Variants in SEMA3D observed in about 807,000 individuals in gnomAD.
SEMA3D encodes semaphorin 3D.
A neutral mutation model predicts 100.1 loss-of-function variants in SEMA3D; 84 were observed. The ratio of observed to expected loss-of-function variants is 0.84; its 90% CI spans 0.70 to 1.01. The LOEUF (loss-of-function observed/expected upper bound fraction) is 1.01. SEMA3D is among the 50% of genes least tolerant of loss of function. The probability of loss-of-function intolerance (pLI) is 0.00; values close to 1 mark genes in which losing one functional copy is unlikely to be tolerated. For missense variants in SEMA3D, 875 were observed against 934.1 expected, an observed-to-expected ratio of 0.94 and a Z score of 0.82; for synonymous variants, 312 against 320.7, an observed-to-expected ratio of 0.97 and a Z score of 0.29.
chr7:85,088,029 T>C (rs530418385), intron 4 of SEMA3D, among the ~76,000 whole-genome samples: 2 of 152,318 alleles, frequency 1.3e-5, no homozygotes, highest in South Asian at 4.1e-4. Context: ...TCTGAATTTA[T>C]ATTGATTTTA....
At chr7:85,010,759 A>T (rs1210613611) in intron 17 of SEMA3D, among the ~76,000 whole-genome samples, 1 of 151,734 alleles carries the variant, frequency 6.6e-6, no homozygotes, top group Non-Finnish European at 1.5e-5. Flanking sequence ...TTTCAAGTGG[A>T]GCTCTTTAGT....
At chr7:85,234,198 C>A in the SEMA3D span, among the ~76,000 whole-genome samples, 1 of 152,030 alleles carries the variant, frequency 6.6e-6, no homozygotes, top group Non-Finnish European at 1.5e-5. Flanking sequence ...TCCCTGAGAC[C>A]CCCAGAAAGG....
In SEMA3D at chr7:85,121,930, A is replaced by C; in HGVS notation, c.-39T>G. 1 of 1,460,834 alleles carries C rather than the reference A, an allele frequency of 6.8e-7. No individual in the cohort carries two copies. The highest frequency in any genetic ancestry group is 9.3e-7 in the Non-Finnish European group (1 of 1,080,082). 90.5% of individuals were successfully genotyped at this position (1,460,834 alleles called of 1,614,324 possible). On this transcript the variant is annotated splice_region_variant and 5_prime_UTR_variant, in exon 3 of 19. Coordinates refer to ENST00000284136, the MANE Select transcript of SEMA3D (RefSeq NM_001384900.1). ...TTCTCTTTCAAATGGTGTTAATTTA[A>C]TCTAAAAAAGAGTAAAAAAAAAAAA...
At chr7:85,018,931 T>G (rs969732193) in intron 14 of SEMA3D, among the ~76,000 whole-genome samples, 4 of 151,758 alleles carry the variant, frequency 2.6e-5, no homozygotes, top group Non-Finnish European at 5.9e-5. Context: ...CTACCTATCA[T>G]CTATCTACTA....
intron 2 of SEMA3D, among the ~76,000 whole-genome samples, chr7:85,152,093 T>G (rs1209727907): frequency 6.6e-6 from 1 of 152,130 alleles, no homozygotes; most frequent in Admixed American, 6.6e-5. Context: ...CTTCCTTGTC[T>G]TGTTTTTATG....
At chr7:85,000,719 T>C (rs1789633305) in intron 18 of SEMA3D, among the ~76,000 whole-genome samples, 1 of 152,212 alleles carries the variant, frequency 6.6e-6, no homozygotes, top group Non-Finnish European at 1.5e-5. Flanking sequence ...TCTCCAGCCT[T>C]TGAAGCATTA....
chr7:85,185,004 T>C (rs1443586162), intron 1 of SEMA3D, among the ~76,000 whole-genome samples: 8 of 152,036 alleles, frequency 5.3e-5, no homozygotes, highest in Admixed American at 5.2e-4. Flanking sequence ...GAGGGCATCA[T>C]TGGAGTGATG....
At chr7:85,167,919 A>G (rs1220962886) in intron 1 of SEMA3D, among the ~76,000 whole-genome samples, 1 of 151,874 alleles carries the variant, frequency 6.6e-6, no homozygotes, top group South Asian at 2.1e-4. Flanking sequence ...TCACATCCAG[A>G]TAACAAATAG....
In SEMA3D at chr7:85,097,785, G is replaced by A. The variant is rs368097921; in HGVS notation, c.312+20C>T. 3.5e-6 allele frequency: 5 copies of A among 1,416,966 alleles called. No homozygotes were observed. The highest frequency in any genetic ancestry group is 1.3e-5 in the South Asian group (1 of 74,896). The allele number at this position is 1,416,966 out of a possible 1,614,324, so 87.8% of individuals were successfully genotyped here. On this transcript the variant is annotated intron_variant, in intron 4 of 18. Coordinates refer to ENST00000284136, the MANE Select transcript of SEMA3D (RefSeq NM_001384900.1). ...TGAAAATAAATGAATTTAACCAAAT[G>A]TATATATAAATATACTGACCTTCTT...
At chr7:85,097,718 T>A (rs999416329) in intron 4 of SEMA3D, 87 bp downstream of exon 4, 1 of 756,460 alleles carries the variant, frequency 1.3e-6, no homozygotes, top group Non-Finnish European at 2.1e-6. Context: ...TGACACTGTG[T>A]CCCTTAAAAC....
chr7:85,156,288 A>G (rs1287864621), intron 1 of SEMA3D, among the ~76,000 whole-genome samples: 1 of 151,540 alleles, frequency 6.6e-6, no homozygotes, highest in Non-Finnish European at 1.5e-5. Context: ...TTTTCAGTAG[A>G]GATGGGGTTT....
intron 2 of SEMA3D, chr7:85,141,047 C>G: frequency 1.2e-6 from 1 of 812,494 alleles, no homozygotes; most frequent in Non-Finnish European, 1.5e-6. Flanking sequence ...TTCCACTTTA[C>G]TCATCACTAT....
intron 11 of SEMA3D, among the ~76,000 whole-genome samples, chr7:85,039,407 G>A (rs562840328): frequency 9.9e-5 from 15 of 152,088 alleles, no homozygotes; most frequent in African/African-American, 3.1e-4. Context: ...ACAGGCGCCC[G>A]CAACCACACC....
At chr7:85,081,613 A>G (rs1336971424) in intron 4 of SEMA3D, 34 bp from the exon 5 acceptor site, 4 of 1,455,760 alleles carry the variant, frequency 2.7e-6, no homozygotes, top group Middle Eastern at 1.7e-4. Context: ...TACAACCTGA[A>G]TATCTGAAAC....
intron 1 of SEMA3D, among the ~76,000 whole-genome samples, chr7:85,169,870 T>C (rs1189218807): frequency 6.6e-6 from 1 of 151,734 alleles, no homozygotes; most frequent in Non-Finnish European, 1.5e-5. Flanking sequence ...TAAGAACTGA[T>C]AGATTGCTAG....
chr7:85,099,321 T>C (rs906847326), intron 3 of SEMA3D, among the ~76,000 whole-genome samples: 5 of 151,940 alleles, frequency 3.3e-5, no homozygotes, highest in Non-Finnish European at 4.4e-5. Context: ...TGAGAGCTGA[T>C]GGTTTTATAA....
intron 2 of SEMA3D, among the ~76,000 whole-genome samples, chr7:85,125,963 T>C (rs1314837020): frequency 6.6e-6 from 1 of 152,088 alleles, no homozygotes; most frequent in Non-Finnish European, 1.5e-5. Context: ...CTGCATATAA[T>C]CTATTCCAGA....
chr7:85,226,402 T>A, the SEMA3D span, among the ~76,000 whole-genome samples: 2 of 152,216 alleles, frequency 1.3e-5, no homozygotes, highest in African/African-American at 4.8e-5. Flanking sequence ...GCAGTATCCA[T>A]ATTTTTTATA....
intron 1 of SEMA3D, chr7:85,181,815 G>T: frequency 1.1e-6 from 1 of 946,770 alleles, no homozygotes; most frequent in Non-Finnish European, 1.3e-6. Context: ...CCTGGTTGAT[G>T]GCTGTTAAAA....
Sources: gnomAD v4.1 joint callset for allele counts (sites outside exome capture counted in the v4.1 genomes callset) on GRCh38, gnomAD v4.1.1 for gene constraint, MANE v1.5 for transcripts, NCBI Gene and HGNC (gene_info 2026-07-23, HGNC 2026-07-21) for gene names.